CBLB: variants seen among roughly 807,000 people sequenced by gnomAD.
The protein encoded by CBLB is E3 ubiquitin-protein ligase CBL-B.
A neutral mutation model predicts 104.9 loss-of-function variants in CBLB; 31 were observed. That is an observed-to-expected ratio of 0.30 (90% CI 0.22 to 0.40). The LOEUF (loss-of-function observed/expected upper bound fraction) is 0.40. Among genes scored for constraint, CBLB ranks in the 10% least tolerant of loss-of-function variants. CBLB has a pLI of 1.00. For missense variants in CBLB, 1,062 were observed against 1,214.6 expected (o/e 0.87, Z 1.87); for synonymous variants, 440 against 422.6 (o/e 1.04, Z -0.51).
intron 4 of CBLB, among the ~76,000 whole-genome samples, chr3:105,760,247 T>C (rs1010956944): frequency 9.9e-5 from 15 of 152,150 alleles, no homozygotes; most frequent in African/African-American, 3.6e-4. Flanking sequence ...ATAAAGTTCA[T>C]TAGTGGAAAG....
intron 3 of CBLB, 88 bp from the exon 4 acceptor site, chr3:105,776,630 A>C: frequency 2.6e-6 from 3 of 1,168,984 alleles, no homozygotes; most frequent in Non-Finnish European, 3.8e-6. Context: ...AAGACAAACA[A>C]TGTTATGTAT....
Position 105,814,696 on chromosome 3 carries a change from C to T in CBLB, c.420-38154G>A, listed in dbSNP as rs150413851. On this transcript the variant is annotated intron_variant, in intron 3 of 18. Coordinates refer to ENST00000394030, the MANE Select transcript of CBLB (RefSeq NM_170662.5). ...TTATTTCTTACTTATACTACTACAA[C>T]GTCTTGTTTAGGACCGTCCTCATTA... Among the ~76,000 whole-genome samples the T allele has an allele frequency of 3.0e-3, 461 of 152,228 alleles. 3 individuals carry two copies. In the Middle Eastern group the frequency reaches 0.031, roughly 10 times the overall value.
At chr3:105,724,901 C>A (rs2073387549) in intron 9 of CBLB, among the ~76,000 whole-genome samples, 1 of 152,016 alleles carries the variant, frequency 6.6e-6, no homozygotes, top group African/African-American at 2.4e-5. Flanking sequence ...TGATGAAGGT[C>A]ACATAGCAAA....
chr3:105,781,407 G>T (rs2080238464), intron 3 of CBLB, among the ~76,000 whole-genome samples: 1 of 152,146 alleles, frequency 6.6e-6, no homozygotes, highest in Non-Finnish European at 1.5e-5. Context: ...AGCATATAAT[G>T]CTTGATGGAG....
intron 12 of CBLB, among the ~76,000 whole-genome samples, chr3:105,697,277 T>C (rs919764530): frequency 2.6e-5 from 4 of 151,984 alleles, no homozygotes; most frequent in Non-Finnish European, 5.9e-5. Context: ...ATCTAGGTTA[T>C]CTTAGAGTAA....
At chr3:105,789,651 T>G (rs1474733592) in intron 3 of CBLB, among the ~76,000 whole-genome samples, 1 of 152,182 alleles carries the variant, frequency 6.6e-6, no homozygotes, top group Non-Finnish European at 1.5e-5. Context: ...TGACATTGTA[T>G]GTGGTAAAAT....
chr3:105,739,017 C>A (rs961586554), intron 7 of CBLB, among the ~76,000 whole-genome samples: 4 of 152,156 alleles, frequency 2.6e-5, no homozygotes, highest in African/African-American at 9.7e-5. Context: ...AGGTGATTAA[C>A]CCATCTTAGC....
At chr3:105,687,197 T>C (rs572057409) in intron 13 of CBLB, among the ~76,000 whole-genome samples, 17 of 152,134 alleles carry the variant, frequency 1.1e-4, no homozygotes, top group Non-Finnish European at 2.5e-4. Context: ...GCATACACTA[T>C]GTAAAAAGAA....
chr3:105,743,150 C>T (rs2075774413), intron 6 of CBLB, among the ~76,000 whole-genome samples: 1 of 152,090 alleles, frequency 6.6e-6, no homozygotes, highest in South Asian at 2.1e-4. Context: ...CTCTCTTAAA[C>T]AACATGCTTC....
intron 17 of CBLB, chr3:105,673,922 C>T (rs957286686): frequency 2.0e-5 from 3 of 152,190 alleles, no homozygotes; most frequent in African/African-American, 7.2e-5. Context: ...CTTTAATCCA[C>T]TCTAGTTTAC....
At chr3:105,865,207 G>T (rs1262977322) in intron 2 of CBLB, among the ~76,000 whole-genome samples, 1 of 152,068 alleles carries the variant, frequency 6.6e-6, no homozygotes, top group Non-Finnish European at 1.5e-5. Context: ...AAAAGAGGGG[G>T]ATGTTTCTGT....
chr3:105,856,824 C>T (rs1463796627), intron 2 of CBLB, among the ~76,000 whole-genome samples: 1 of 152,040 alleles, frequency 6.6e-6, no homozygotes, highest in Admixed American at 6.6e-5. Flanking sequence ...TTTTTACCCC[C>T]TTTTTAATAC....
At chr3:105,669,672 A>T (rs1238542047) in intron 18 of CBLB, among the ~76,000 whole-genome samples, 3 of 152,194 alleles carry the variant, frequency 2.0e-5, no homozygotes, top group African/African-American at 7.2e-5. Flanking sequence ...CAAAAAAGGA[A>T]AGAAAATAAC....
chr3:105,813,340 A>C (rs1307468497), intron 3 of CBLB, among the ~76,000 whole-genome samples: 1 of 152,198 alleles, frequency 6.6e-6, no homozygotes, highest in East Asian at 1.9e-4. Flanking sequence ...TGGGGATAAA[A>C]GAAAATTCAT....
chr3:105,798,303 A>C (rs577108059), intron 3 of CBLB, among the ~76,000 whole-genome samples: 2 of 152,298 alleles, frequency 1.3e-5, no homozygotes, highest in South Asian at 4.1e-4. Context: ...TGTTGAAATA[A>C]ATTAAAATTT....
At chr3:105,735,256 G>T (rs1287500656) in intron 8 of CBLB, among the ~76,000 whole-genome samples, 1 of 152,160 alleles carries the variant, frequency 6.6e-6, no homozygotes, top group African/African-American at 2.4e-5. Context: ...CTATTATGAT[G>T]TGTGAATATA....
At chr3:105,740,937 T>G (rs1473663945) in intron 6 of CBLB, among the ~76,000 whole-genome samples, 1 of 152,124 alleles carries the variant, frequency 6.6e-6, no homozygotes, top group Non-Finnish European at 1.5e-5. Flanking sequence ...GAAATGCTGA[T>G]GGCATGGAAT....
chr3:105,764,690 T>A (rs2078025634), intron 4 of CBLB, among the ~76,000 whole-genome samples: 1 of 152,138 alleles, frequency 6.6e-6, no homozygotes, highest in Non-Finnish European at 1.5e-5. Flanking sequence ...TTAAGTTTAG[T>A]GAGAAAGGCA....
chr3:105,724,472 C>T (rs891186865), intron 9 of CBLB, among the ~76,000 whole-genome samples: 1 of 152,022 alleles, frequency 6.6e-6, no homozygotes, highest in African/African-American at 2.4e-5. Flanking sequence ...ATCTTATTTA[C>T]AGGGCATAAT....
Sources: gnomAD v4.1 joint callset for allele counts (sites outside exome capture counted in the v4.1 genomes callset) on GRCh38, gnomAD v4.1.1 for gene constraint, MANE v1.5 for transcripts, NCBI Gene and HGNC (gene_info 2026-07-23, HGNC 2026-07-21) for gene names.